TMEM114: variants seen among roughly 807,000 people sequenced by gnomAD.
TMEM114 encodes the protein claudin-26.
In TMEM114, 6 loss-of-function variants were observed where a neutral mutation model predicts 6.2. The observed-to-expected ratio is 0.97, with a 90% CI of 0.53 to 1.91. The LOEUF (loss-of-function observed/expected upper bound fraction) is 1.91, where lower values mean the gene tolerates loss of function less well. Ranked by LOEUF, TMEM114 falls within the 40% of genes most tolerant of loss-of-function variation. The pLI is 0.01. For synonymous variants in TMEM114, 104 were observed against 73.0 expected (o/e 1.42, Z -2.16); for missense variants, 218 against 158.3 (o/e 1.38, Z -2.02).
chr16:8,575,904 G>A (rs1421493270), intron 2 of TMEM114, among the ~76,000 whole-genome samples: 3 of 152,156 alleles, frequency 2.0e-5, no homozygotes, highest in Non-Finnish European at 2.9e-5. Flanking sequence ...CTCTCAGGCC[G>A]GGAGACCTGA....
chr16:8,557,079 G>T (rs776493470), intron 2 of TMEM114, among the ~76,000 whole-genome samples: 1 of 152,154 alleles, frequency 6.6e-6, no homozygotes, highest in African/African-American at 2.4e-5. Flanking sequence ...GTAGCAGATT[G>T]TACTTTCTAA....
chr16:8,528,810 AC>A, the TMEM114 span, among the ~76,000 whole-genome samples: 8 of 152,362 alleles, frequency 5.3e-5, no homozygotes, highest in Admixed American at 2.6e-4. Flanking sequence ...CTCACTGAGC[AC>A]GCGCTCTGTG....
At chr16:8,528,451 T>C in the TMEM114 span, among the ~76,000 whole-genome samples, 4 of 152,102 alleles carry the variant, frequency 2.6e-5, no homozygotes, top group Non-Finnish European at 4.4e-5. Context: ...TAGACAGCTG[T>C]CTCAAAGCAT....
chr16:8,566,622 G>T (rs1198619060), downstream of TMEM114, among the ~76,000 whole-genome samples: 5 of 152,110 alleles, frequency 3.3e-5, no homozygotes, highest in Non-Finnish European at 5.9e-5. Flanking sequence ...CCTTACCACG[G>T]GCCATGGGCA....
intron 2 of TMEM114, among the ~76,000 whole-genome samples, chr16:8,583,795 C>T (rs536213106): frequency 3.3e-4 from 50 of 152,154 alleles, no homozygotes; most frequent in African/African-American, 1.2e-3. Flanking sequence ...GGGTTTGAAC[C>T]CCAGTGATGT....
At chr16:8,537,494 C>G (rs1395926954), downstream of TMEM114, 1 of 152,034 alleles carries the variant, frequency 6.6e-6, no homozygotes, top group Non-Finnish European at 1.5e-5. Flanking sequence ...GAGTGAGACT[C>G]CATCTCAAAA....
intron 2 of TMEM114, among the ~76,000 whole-genome samples, chr16:8,575,950 T>G (rs1043521921): frequency 4.6e-5 from 7 of 152,116 alleles, no homozygotes; most frequent in African/African-American, 1.7e-4. Context: ...TGAACTCCTG[T>G]GATGGAGAGA....
At chr16:8,539,683 A>AC (rs1900463279) in intron 2 of TMEM114, among the ~76,000 whole-genome samples, 1 of 152,170 alleles carries the variant, frequency 6.6e-6, no homozygotes, top group South Asian at 2.1e-4. Context: ...CACCACCACA[A>AC]GCAAGACAGA....
At chr16:8,556,495 C>T (rs563309707) in intron 2 of TMEM114, among the ~76,000 whole-genome samples, 137 of 151,892 alleles carry the variant, frequency 9.0e-4, no homozygotes, top group Admixed American at 3.6e-3. Flanking sequence ...CTTTATTTGT[C>T]GTTGTTGTTG....
At chr16:8,561,633 C>T (rs1305575477) in intron 2 of TMEM114, among the ~76,000 whole-genome samples, 2 of 152,050 alleles carry the variant, frequency 1.3e-5, no homozygotes, top group East Asian at 3.9e-4. Context: ...GAATGAATAA[C>T]TATATGAACA....
intron 2 of TMEM114, among the ~76,000 whole-genome samples, chr16:8,563,138 T>C (rs1228114642): frequency 6.9e-6 from 1 of 144,924 alleles, no homozygotes; most frequent in Admixed American, 6.9e-5. Flanking sequence ...TGTGAATGAG[T>C]AAATGAGTGA....
chr16:8,547,622 A>G (rs1900712068), intron 2 of TMEM114, among the ~76,000 whole-genome samples: 1 of 151,844 alleles, frequency 6.6e-6, no homozygotes. Context: ...TGAACTCCTG[A>G]CCTTGTGATC....
chr16:8,553,385 A>G (rs4442791), intron 2 of TMEM114, among the ~76,000 whole-genome samples: 67,620 of 151,900 alleles, frequency 0.45, 15,768 homozygotes, highest in African/African-American at 0.57. Flanking sequence ...TCAGGAGATG[A>G]AGATTCAAGG....
At chr16:8,559,458 C>T (rs1021921161) in intron 2 of TMEM114, among the ~76,000 whole-genome samples, 1 of 152,182 alleles carries the variant, frequency 6.6e-6, no homozygotes, top group Non-Finnish European at 1.5e-5. Context: ...ATCCTCGGCC[C>T]GCCATGGGCT....
intron 2 of TMEM114, among the ~76,000 whole-genome samples, chr16:8,573,574 GT>G (rs35282264): frequency 0.011 from 1,701 of 149,984 alleles, 9 homozygotes; most frequent in African/African-American, 0.016. Context: ...CAAGTGCAAA[GT>G]TTTTTTTTTA....
intron 2 of TMEM114, among the ~76,000 whole-genome samples, chr16:8,542,514 A>G (rs868336988): frequency 1.8e-4 from 28 of 152,170 alleles, no homozygotes; most frequent in African/African-American, 6.0e-4. Context: ...ATTGAGCTAG[A>G]CCTGCTTTTC....
intron 2 of TMEM114, among the ~76,000 whole-genome samples, chr16:8,541,669 C>T (rs988127564): frequency 6.6e-6 from 1 of 152,092 alleles, no homozygotes; most frequent in Non-Finnish European, 1.5e-5. Flanking sequence ...AAAAATGTGA[C>T]AAATGAGTGA....
chr16:8,529,832 C>G, the TMEM114 span, among the ~76,000 whole-genome samples: 1 of 152,074 alleles, frequency 6.6e-6, no homozygotes, highest in Non-Finnish European at 1.5e-5. Flanking sequence ...TCACATCTCC[C>G]CTAGGTGATT....
chr16:8,566,066 A>G (rs1477825452), downstream of TMEM114, among the ~76,000 whole-genome samples: 1 of 152,190 alleles, frequency 6.6e-6, no homozygotes. Flanking sequence ...ATACGGCAGG[A>G]CAGATCGAAA....
Sources: allele counts gnomAD v4.1 joint callset (sites outside exome capture counted in the v4.1 genomes callset), GRCh38; gene constraint gnomAD v4.1.1; transcripts MANE v1.5; gene names NCBI Gene and HGNC (gene_info 2026-07-23, HGNC 2026-07-21).